RAPGEF1: variants seen among roughly 807,000 people sequenced by gnomAD.
RAPGEF1 encodes Rap guanine nucleotide exchange factor 1.
Under a neutral mutation model 143.3 loss-of-function variants are expected in RAPGEF1, and 33 were observed. The observed-to-expected ratio is 0.23, with a 90% confidence interval of 0.17 to 0.31. RAPGEF1 has a LOEUF of 0.31. Ranked by LOEUF, RAPGEF1 falls within the 10% of genes least tolerant of loss-of-function variation. The pLI, the probability that RAPGEF1 is intolerant of heterozygous loss-of-function variation, is 1.00. For synonymous variants in RAPGEF1, 629 were observed against 676.5 expected (o/e 0.93, Z 1.09); for missense variants, 1,199 against 1,645.4 (o/e 0.73, Z 4.69).
At chr9:131,629,919 G>T (rs1964382121) in intron 6 of RAPGEF1, among the ~76,000 whole-genome samples, 1 of 152,100 alleles carries the variant, frequency 6.6e-6, no homozygotes, top group African/African-American at 2.4e-5. Context: ...GTGCTCTCAA[G>T]TCAAAGCACC....
chr9:131,710,218 G>A (rs1021008441), intron 1 of RAPGEF1, among the ~76,000 whole-genome samples: 2 of 152,100 alleles, frequency 1.3e-5, no homozygotes, highest in Non-Finnish European at 2.9e-5. Context: ...AACAAGTACT[G>A]TCAGAGAAAA....
Position 131,650,053 on chromosome 9 carries a change from C to T in RAPGEF1, c.315+76G>A. On this transcript the variant is annotated intron_variant, in intron 3 of 26. Transcript: ENST00000683357. The surrounding 1 kb of genome is among the most constrained non-coding windows in gnomAD (Gnocchi z 4.7). ...TAATAATAGTGCAATAGAGTTTTTT[C>T]CATCCCCAAAACCATGGACCAGGAT... The T allele has an allele frequency of 8.1e-7, 1 of 1,240,312 alleles. No homozygotes were observed. 76.8% of individuals were successfully genotyped at this position (1,240,312 alleles called of 1,614,324 possible).
chr9:131,689,165 TTC>T (rs1196843717), intron 1 of RAPGEF1, among the ~76,000 whole-genome samples: 2 of 152,250 alleles, frequency 1.3e-5, no homozygotes, highest in African/African-American at 4.8e-5. Context: ...CATATTTAAC[TTC>T]TGTTTCTTTG....
At chr9:131,631,430 C>T (rs547314576) in intron 5 of RAPGEF1, among the ~76,000 whole-genome samples, 90 of 152,358 alleles carry the variant, frequency 5.9e-4, no homozygotes, top group Middle Eastern at 6.8e-3. Flanking sequence ...AGCTGTGCTT[C>T]GTGTGGGCGA....
rs1952326058 is a variant in RAPGEF1, at chr9:131,584,173, C to A, written c.3414+138G>T. The A allele has an allele frequency of 1.5e-5, 12 of 774,312 alleles. No individual in the cohort carries two copies. The highest frequency in any genetic ancestry group is 1.2e-4 in the South Asian group (7 of 58,176). The allele number at this position is 774,312 out of a possible 1,614,324, so 48.0% of individuals were successfully genotyped here. Reference sequence around the variant, plus strand: ...CGGGAGGGCAGCTGTTCTGGTCACACAGCATGTCGGTGGCAGAGCAGGGGC... The same window carrying A: ...CGGGAGGGCAGCTGTTCTGGTCACAAAGCATGTCGGTGGCAGAGCAGGGGC... On this transcript the variant is annotated intron_variant, in intron 24 of 26. Coordinates refer to ENST00000683357, the MANE Select transcript of RAPGEF1 (RefSeq NM_001377935.1). This position sits in a 1 kb window ranked among gnomAD's most constrained non-coding sequence, Gnocchi z 6.8.
chr9:131,669,242 TC>T (rs1564665075), intron 1 of RAPGEF1, among the ~76,000 whole-genome samples: 1 of 152,148 alleles, frequency 6.6e-6, no homozygotes. Context: ...GCATTTTCAT[TC>T]GTCAGTAAGC....
chr9:131,719,017 T>A (rs190004843), intron 1 of RAPGEF1, among the ~76,000 whole-genome samples: 6 of 152,278 alleles, frequency 3.9e-5, no homozygotes, highest in African/African-American at 1.4e-4. Context: ...TGTGTGTGTG[T>A]GAGACAGGGT....
intron 1 of RAPGEF1, among the ~76,000 whole-genome samples, chr9:131,669,011 C>T (rs1026225195): frequency 1.3e-5 from 2 of 152,190 alleles, no homozygotes; most frequent in Admixed American, 6.5e-5. Flanking sequence ...CTGCCGGGGC[C>T]GCAGCCTCCT....
chr9:131,705,734 T>C (rs1835003374), intron 1 of RAPGEF1, among the ~76,000 whole-genome samples: 1 of 152,168 alleles, frequency 6.6e-6, no homozygotes, highest in African/African-American at 2.4e-5. Flanking sequence ...GACAGTATAA[T>C]GGTCCCCTCA....
intron 15 of RAPGEF1, chr9:131,598,663 G>C (rs891959585): frequency 2.8e-5 from 12 of 429,140 alleles, no homozygotes. Context: ...AGCAGAATGG[G>C]AGAGAAAGCT....
chr9:131,630,146 G>A, intron 6 of RAPGEF1, 90 bp downstream of exon 6: 1 of 1,217,518 alleles, frequency 8.2e-7, no homozygotes, highest in Non-Finnish European at 1.2e-6. Context: ...CCACCCTCAT[G>A]CTGCCCACCC....
At chr9:131,737,805 A>G (rs1837515043) in intron 1 of RAPGEF1, among the ~76,000 whole-genome samples, 1 of 152,122 alleles carries the variant, frequency 6.6e-6, no homozygotes, top group Non-Finnish European at 1.5e-5. Flanking sequence ...TCTACTAAAA[A>G]TACAAAAAAA....
At chr9:131,596,852 A>G (rs1955390464) in intron 16 of RAPGEF1, among the ~76,000 whole-genome samples, 1 of 152,146 alleles carries the variant, frequency 6.6e-6, no homozygotes, top group Non-Finnish European at 1.5e-5. Flanking sequence ...CTACATCTAA[A>G]TCCGTCTCCC....
intron 1 of RAPGEF1, among the ~76,000 whole-genome samples, chr9:131,664,855 T>C (rs1305753336): frequency 1.3e-5 from 2 of 152,244 alleles, no homozygotes; most frequent in African/African-American, 2.4e-5. Flanking sequence ...TCTGAATTTG[T>C]AAAATATTTA....
chr9:131,723,939 T>A (rs1409867651), intron 1 of RAPGEF1, among the ~76,000 whole-genome samples: 1 of 152,224 alleles, frequency 6.6e-6, no homozygotes, highest in Non-Finnish European at 1.5e-5. Flanking sequence ...TCCACAACAC[T>A]TATTTTCTGT....
intron 5 of RAPGEF1, among the ~76,000 whole-genome samples, chr9:131,634,574 A>G (rs1230394888): frequency 1.3e-5 from 2 of 151,214 alleles, no homozygotes. Context: ...TTAGCTGGGC[A>G]TGGTTGTACG....
intron 1 of RAPGEF1, among the ~76,000 whole-genome samples, chr9:131,658,458 C>T (rs1588843144): frequency 6.6e-6 from 1 of 152,314 alleles, no homozygotes. Flanking sequence ...GACTCTTGCT[C>T]CATGTTACAT....
intron 12 of RAPGEF1, among the ~76,000 whole-genome samples, chr9:131,613,258 GA>G (rs1277531507): frequency 6.7e-6 from 1 of 149,662 alleles, no homozygotes; most frequent in Non-Finnish European, 1.5e-5. Context: ...CACGGTGGGG[GA>G]GAAGACAGGG....
At chr9:131,737,426 C>G in intron 1 of RAPGEF1, 1 of 1,613,862 alleles carries the variant, frequency 6.2e-7, no homozygotes, top group Non-Finnish European at 8.5e-7. Flanking sequence ...GCAGCACGGT[C>G]GCTCGGTCTG....
Sources: allele counts gnomAD v4.1 joint callset (sites outside exome capture counted in the v4.1 genomes callset), GRCh38; gene constraint gnomAD v4.1.1; non-coding constraint Gnocchi (gnomAD v3.1); transcripts MANE v1.5; gene names NCBI Gene and HGNC (gene_info 2026-07-23, HGNC 2026-07-21).